Variants in TTC13 observed in about 807,000 individuals in gnomAD.
The protein encoded by TTC13 is tetratricopeptide repeat protein 13.
A neutral mutation model predicts 120.0 loss-of-function variants in TTC13; 62 were observed. The ratio of observed to expected loss-of-function variants is 0.52; its 90% confidence interval spans 0.42 to 0.64. The LOEUF is 0.64. TTC13 is among the 30% of genes least tolerant of loss of function. TTC13 has a pLI of 0.00. For missense variants in TTC13, 824 were observed against 1,050.2 expected (o/e 0.78, Z 2.98); for synonymous variants, 384 against 393.5 (o/e 0.98, Z 0.28).
chr1:230,918,270 C>G (rs1364161151), intron 17 of TTC13, among the ~76,000 whole-genome samples: 1 of 152,200 alleles, frequency 6.6e-6, no homozygotes, highest in Non-Finnish European at 1.5e-5. Flanking sequence ...CTTTACTAAG[C>G]TTGGTTTACC....
intron 4 of TTC13, among the ~76,000 whole-genome samples, chr1:230,945,776 T>C (rs556189199): frequency 6.6e-6 from 1 of 152,296 alleles, no homozygotes; most frequent in Non-Finnish European, 1.5e-5. Context: ...GCATCAGCAA[T>C]CATGTCTTAC....
At chr1:230,954,292 G>T in intron 4 of TTC13, 41 bp downstream of exon 4, 1 of 1,440,418 alleles carries the variant, frequency 6.9e-7, no homozygotes, top group South Asian at 1.2e-5. Flanking sequence ...TTTTTGTCAT[G>T]ACCATAAACT....
intron 9 of TTC13, 143 bp downstream of exon 9, chr1:230,933,633 TCAA>T (rs1217414662): frequency 8.4e-5 from 36 of 430,908 alleles, no homozygotes; most frequent in Non-Finnish European, 1.3e-4. Context: ...AGAGAAAATA[TCAA>T]CAAGTCTATA....
chr1:230,938,544 T>C (rs1484460338), intron 8 of TTC13, among the ~76,000 whole-genome samples: 2 of 152,200 alleles, frequency 1.3e-5, no homozygotes, highest in Non-Finnish European at 2.9e-5. Context: ...CTCTACCTCC[T>C]CTGCCCAGCA....
chr1:230,956,590 C>T, intron 3 of TTC13: 1 of 390,472 alleles, frequency 2.6e-6, no homozygotes, highest in Non-Finnish European at 4.9e-6. Flanking sequence ...ATCAATGAGC[C>T]ATAAAAACAA....
rs1310619836 is a variant in TTC13, at chr1:230,940,147, T to G, written c.789+293A>C. 3.3e-5 allele frequency among the ~76,000 whole-genome samples: 5 copies of G among 152,244 alleles called. No homozygotes were observed. Among genetic ancestry groups the G allele is most frequent in the African/African-American group, 1.2e-4 (5 of 41,462 alleles). ...ACACCTGCTTCCCTATGAGGACATTTGCGAGAAAGATTGACATACAATCCA... is the reference window on the plus strand; with the variant it reads ...ACACCTGCTTCCCTATGAGGACATTGGCGAGAAAGATTGACATACAATCCA... On this transcript the variant is annotated intron_variant, in intron 7 of 22. Transcript: ENST00000366661. The surrounding 1 kb of genome is among the most constrained non-coding windows in gnomAD (Gnocchi z 4.1).
rs1183253135 is a variant in TTC13 at position 230,944,625 on chromosome 1, G to A, written c.580-727C>T. On this transcript the variant is annotated intron_variant, in intron 5 of 22. Coordinates refer to ENST00000366661, the MANE Select transcript of TTC13 (RefSeq NM_024525.5). This position sits in a 1 kb window ranked among gnomAD's most constrained non-coding sequence, Gnocchi z 4.0. ...AGTTTCTCCAATAGGCCAGCACAAG[G>A]TTAGTATAATATTAATTGTAATATT... 2.6e-5 allele frequency among the ~76,000 whole-genome samples: 4 copies of A among 151,778 alleles called. No individual in the cohort carries two copies. The highest frequency in any genetic ancestry group is 5.9e-5 in the Non-Finnish European group (4 of 67,996).
intron 18 of TTC13, among the ~76,000 whole-genome samples, chr1:230,914,607 C>G (rs1440852417): frequency 6.6e-6 from 1 of 152,066 alleles, no homozygotes; most frequent in African/African-American, 2.4e-5. Flanking sequence ...ATTGGTCAGG[C>G]TGGTCTCGAA....
chr1:230,943,909 C>T lies in TTC13; in HGVS notation c.580-11G>A, dbSNP rs1674749695. 6.2e-7 allele frequency: 1 copy of T among 1,600,140 alleles called. No individual in the cohort carries two copies. The highest frequency in any genetic ancestry group is 8.5e-7 in the Non-Finnish European group (1 of 1,171,496). Reference sequence around the variant, plus strand: ...AGCATTCTTAATGTCCTTGAAAAGGCATTAGCTTAGTATGAGACATACTGT... The same window carrying T: ...AGCATTCTTAATGTCCTTGAAAAGGTATTAGCTTAGTATGAGACATACTGT... On this transcript the variant is annotated splice_polypyrimidine_tract_variant and intron_variant, in intron 5 of 22. Transcript: ENST00000366661.
At position 230,978,782 on chromosome 1, in the gene TTC13, C is replaced by T; in HGVS notation, c.49G>A (p.Val17Met). 1 of 1,498,546 alleles carries T rather than the reference C, an allele frequency of 6.7e-7. No homozygotes were observed. The highest frequency in any genetic ancestry group is 8.8e-7 in the Non-Finnish European group (1 of 1,133,340). 92.8% of individuals were successfully genotyped at this position (1,498,546 alleles called of 1,614,324 possible). ...CGCCGGGCGGCGCCCGCGGCGGCCA[C>T]AGCGCCGCCCCAGAAGCAGCAGCAG... ...CCCCCFWGGA[V>M]AAAGAARRVL... Residue 17 changes from valine to methionine, a missense_variant, in exon 1 of 23, where the codon GTG becomes ATG. Physicochemically the swap from Val to Met is conservative, Grantham distance 21. Transcript: ENST00000366661. The surrounding 1 kb of genome is among the most constrained non-coding windows in gnomAD (Gnocchi z 5.6).
intron 8 of TTC13, among the ~76,000 whole-genome samples, chr1:230,935,756 G>C (rs1368576951): frequency 6.6e-6 from 1 of 152,206 alleles, no homozygotes; most frequent in Admixed American, 6.5e-5. Context: ...CAGCAACAAA[G>C]ACAGACTAGA....
intron 1 of TTC13, among the ~76,000 whole-genome samples, chr1:230,969,731 C>A (rs10779801): frequency 0.72 from 109,040 of 152,090 alleles, 39,437 homozygotes; most frequent in South Asian, 0.82. Context: ...TCCTTTAGTA[C>A]GTCTTAGCCT....
In TTC13 at chr1:230,915,799, A is replaced by C. The variant is rs530831970; in HGVS notation, c.2093+394T>G. ...GTTTTCTCTCTCTCTCTCTCTCTCTATATATATATAGATTGGCTTTTATAC... is the reference window on the plus strand; with the variant it reads ...GTTTTCTCTCTCTCTCTCTCTCTCTCTATATATATAGATTGGCTTTTATAC... On this transcript the variant is annotated intron_variant, in intron 18 of 22. Coordinates refer to ENST00000366661, the MANE Select transcript of TTC13 (RefSeq NM_024525.5). Among the ~76,000 whole-genome samples the C allele has an allele frequency of 1.5e-3, 221 of 151,830 alleles. 1 individual carries two copies. Among genetic ancestry groups the C allele is most frequent in the South Asian group, 5.0e-3 (24 of 4,820 alleles).
chr1:230,914,850 G>A (rs1572178683), intron 18 of TTC13, among the ~76,000 whole-genome samples: 1 of 152,124 alleles, frequency 6.6e-6, no homozygotes, highest in East Asian at 1.9e-4. Context: ...GTAGTCAAAG[G>A]TTATATGCAA....
At chr1:230,923,783 C>T in intron 15 of TTC13, 58 bp downstream of exon 15, 2 of 1,445,088 alleles carry the variant, frequency 1.4e-6, no homozygotes, top group East Asian at 2.3e-5. Context: ...GTCTCCATGG[C>T]CTGTGTCTTG....
At chr1:230,972,810 AAT>A (rs1677899422) in intron 1 of TTC13, among the ~76,000 whole-genome samples, 1 of 152,250 alleles carries the variant, frequency 6.6e-6, no homozygotes, top group African/African-American at 2.4e-5. Context: ...TGAAAAAGCG[AAT>A]CATAGGCTGC....
chr1:230,910,553 A>G (rs1671399211), intron 20 of TTC13, among the ~76,000 whole-genome samples: 2 of 152,162 alleles, frequency 1.3e-5, no homozygotes, highest in African/African-American at 4.8e-5. Flanking sequence ...AGATGTAGGG[A>G]TGAGGCAGAG....
chr1:230,921,554 C>T (rs1402791806), intron 15 of TTC13, 50 bp from the exon 16 acceptor site: 1 of 904,664 alleles, frequency 1.1e-6, no homozygotes. Context: ...GAAGAATATG[C>T]TCAAGCCAAC....
chr1:230,923,992 T>C (rs748510054), intron 14 of TTC13, 59 bp from the exon 15 acceptor site: 53 of 1,373,834 alleles, frequency 3.9e-5, no homozygotes, highest in Non-Finnish European at 5.4e-5. Context: ...AAATAAAACA[T>C]GTAGAAGTGT....
Sources: gnomAD v4.1 joint callset for allele counts (sites outside exome capture counted in the v4.1 genomes callset) on GRCh38, gnomAD v4.1.1 for gene constraint, Gnocchi (gnomAD v3.1) non-coding constraint, MANE v1.5 for transcripts, NCBI Gene and HGNC (gene_info 2026-07-23, HGNC 2026-07-21) for gene names.